Variants in TTC27 observed in about 807,000 individuals in gnomAD.
TTC27 encodes the protein tetratricopeptide repeat protein 27.
Under a neutral mutation model 115.9 loss-of-function variants are expected in TTC27, and 79 were observed. The ratio of observed to expected loss-of-function variants is 0.68; its 90% CI spans 0.57 to 0.82. The LOEUF is 0.82. TTC27 is among the 40% of genes least tolerant of loss of function. The pLI is 0.00. For synonymous variants in TTC27, 401 were observed against 356.0 expected (o/e 1.13, Z -1.42); for missense variants, 1,054 against 993.1 (o/e 1.06, Z -0.82).
intron 5 of TTC27, among the ~76,000 whole-genome samples, chr2:32,663,635 T>G (rs80114384): frequency 9.3e-4 from 106 of 113,850 alleles, no homozygotes; most frequent in African/African-American, 3.3e-3. Context: ...CCACCCCCTA[T>G]TTATGTATGT....
At chr2:32,717,059 A>C (rs947614480) in intron 10 of TTC27, among the ~76,000 whole-genome samples, 3 of 149,366 alleles carry the variant, frequency 2.0e-5, no homozygotes, top group African/African-American at 7.4e-5. Context: ...GCTGGAGTGC[A>C]GTGGCATGAT....
chr2:32,633,783 T>A, intron 2 of TTC27, 93 bp from the exon 3 acceptor site: 2 of 1,388,738 alleles, frequency 1.4e-6, no homozygotes, highest in Non-Finnish European at 2.0e-6. Flanking sequence ...TGATAGATAT[T>A]ATTTTCTTAA....
intron 12 of TTC27, among the ~76,000 whole-genome samples, chr2:32,746,399 TA>T (rs1231659190): frequency 6.6e-6 from 1 of 151,446 alleles, no homozygotes; most frequent in Non-Finnish European, 1.5e-5. Context: ...CCAACTCTAC[TA>T]AAAATACAAA....
intron 5 of TTC27, among the ~76,000 whole-genome samples, chr2:32,651,028 A>G (rs1665102586): frequency 6.6e-6 from 1 of 152,184 alleles, no homozygotes. Context: ...AACAAAAACA[A>G]AAACAGATTC....
intron 15 of TTC27, among the ~76,000 whole-genome samples, chr2:32,783,202 G>T (rs1344339784): frequency 6.6e-6 from 1 of 152,086 alleles, no homozygotes; most frequent in Non-Finnish European, 1.5e-5. Flanking sequence ...CATGATACTT[G>T]TAGCACACTT....
At chr2:32,643,797 G>A (rs1366418286) in intron 4 of TTC27, among the ~76,000 whole-genome samples, 1 of 152,002 alleles carries the variant, frequency 6.6e-6, no homozygotes, top group East Asian at 1.9e-4. Context: ...CACTTTGGGA[G>A]GCCAAGGCTG....
At chr2:32,670,163 C>G (rs2151883155) in intron 7 of TTC27, among the ~76,000 whole-genome samples, 1 of 152,090 alleles carries the variant, frequency 6.6e-6, no homozygotes, top group South Asian at 2.1e-4. Context: ...CAGGCATGAG[C>G]CACCGCACCT....
chr2:32,707,167 G>A (rs562014515), intron 10 of TTC27, among the ~76,000 whole-genome samples: 4 of 152,296 alleles, frequency 2.6e-5, no homozygotes, highest in South Asian at 4.1e-4. Context: ...ATTTTCTGCT[G>A]TGATAACAGG....
rs202223183 is a variant in TTC27, at chr2:32,664,278, T to C, written c.641-25T>C. The C allele has an allele frequency of 3.1e-3, 4,815 of 1,572,558 alleles. 38 individuals are homozygous for C. Among genetic ancestry groups the C allele is most frequent in the South Asian group, 0.015 (1,276 of 84,604 alleles). ...ATATTTTTCTTCTCATCATAACTTT[T>C]AATGTTTTATCTTTTGTCTTGCAGT... On this transcript the variant is annotated intron_variant, in intron 5 of 19. Transcript: ENST00000317907.
intron 16 of TTC27, among the ~76,000 whole-genome samples, chr2:32,802,576 C>T (rs57891617): frequency 0.014 from 2,108 of 152,190 alleles, 41 homozygotes; most frequent in African/African-American, 0.045. Context: ...TGTCAAGTTC[C>T]GACTTGCCAC....
At position 32,657,146 on chromosome 2, in the gene TTC27, C is replaced by T. The variant is rs147704641; in HGVS notation, c.640+6913C>T. On this transcript the variant is annotated intron_variant, in intron 5 of 19. Coordinates refer to ENST00000317907, the MANE Select transcript of TTC27 (RefSeq NM_017735.5). The stretch of plus-strand genomic sequence containing the variant: ...GACTACAGGTGCCCACCACCGTGCC[C>T]GGCTAATTTTTTGTATTTTCAGTAG... Among the ~76,000 whole-genome samples the T allele has an allele frequency of 3.4e-4, 52 of 151,218 alleles. 1 individual carries two copies. The East Asian group carries it at 6.1e-3, about 18-fold the overall frequency.
At chr2:32,692,407 G>A (rs6543662) in intron 9 of TTC27, among the ~76,000 whole-genome samples, 363 of 152,162 alleles carry the variant, frequency 2.4e-3, no homozygotes, top group Non-Finnish European at 3.3e-3. Context: ...ACGGGTTGCC[G>A]GGGGCTGGGG....
intron 16 of TTC27, among the ~76,000 whole-genome samples, chr2:32,797,490 G>C (rs1015697028): frequency 2.0e-5 from 3 of 152,092 alleles, no homozygotes; most frequent in African/African-American, 7.2e-5. Context: ...AATGATTTTT[G>C]ACAAGGGTGC....
intron 3 of TTC27, among the ~76,000 whole-genome samples, chr2:32,638,935 A>C (rs1007778297): frequency 6.6e-6 from 1 of 151,576 alleles, no homozygotes; most frequent in African/African-American, 2.4e-5. Context: ...TGGGTTCACA[A>C]CATTCTCCTG....
chr2:32,708,717 C>G (rs1429905426), intron 10 of TTC27, among the ~76,000 whole-genome samples: 1 of 151,634 alleles, frequency 6.6e-6, no homozygotes, highest in Non-Finnish European at 1.5e-5. Flanking sequence ...TTGTTTTAGG[C>G]TTTTAGCAGC....
chr2:32,765,292 A>G (rs1055920113), intron 13 of TTC27, among the ~76,000 whole-genome samples: 7 of 151,622 alleles, frequency 4.6e-5, no homozygotes, highest in African/African-American at 1.7e-4. Context: ...CTCCTTGTAC[A>G]TCTTCATCAG....
At chr2:32,814,890 C>T (rs1034366965) in intron 18 of TTC27, among the ~76,000 whole-genome samples, 2 of 152,158 alleles carry the variant, frequency 1.3e-5, no homozygotes, top group Non-Finnish European at 2.9e-5. Flanking sequence ...TACACCGTAT[C>T]CCCATCATTA....
chr2:32,789,824 G>T (rs1027152209), intron 16 of TTC27, among the ~76,000 whole-genome samples: 1 of 150,742 alleles, frequency 6.6e-6, no homozygotes, highest in Admixed American at 6.6e-5. Flanking sequence ...GGAGGCTGAG[G>T]TGGGAGGGTT....
chr2:32,753,837 G>A (rs1305935750), intron 12 of TTC27, among the ~76,000 whole-genome samples: 1 of 152,104 alleles, frequency 6.6e-6, no homozygotes. Context: ...ACTCTGAGAG[G>A]CCGAGGTGGG....
Sources: allele counts gnomAD v4.1 joint callset (sites outside exome capture counted in the v4.1 genomes callset), GRCh38; gene constraint gnomAD v4.1.1; transcripts MANE v1.5; gene names NCBI Gene and HGNC (gene_info 2026-07-23, HGNC 2026-07-21).